PELO: variants seen among roughly 807,000 people sequenced by gnomAD.
PELO encodes pelota mRNA surveillance and ribosome rescue factor, also known as protein pelota homolog.
PELO carries 19 observed loss-of-function variants against 25.9 expected under a neutral mutation model. That is an observed-to-expected ratio of 0.73 (90% CI 0.51 to 1.08). PELO has a LOEUF of 1.08. Ranked by LOEUF, PELO falls within the 50% of genes least tolerant of loss-of-function variation. PELO has a pLI of 0.00. For missense variants in PELO, 498 were observed against 491.4 expected (o/e 1.01, Z -0.13); for synonymous variants, 196 against 192.2 (o/e 1.02, Z -0.16).
chr5:52,789,381 G>A (rs1580016642), intron 1 of PELO, among the ~76,000 whole-genome samples: 1 of 152,228 alleles, frequency 6.6e-6, no homozygotes, highest in African/African-American at 2.4e-5. Context: ...CTGCTGGCAT[G>A]GTTATTAGTA....
At chr5:52,792,282 G>A (rs1748256721) in intron 1 of PELO, among the ~76,000 whole-genome samples, 1 of 152,136 alleles carries the variant, frequency 6.6e-6, no homozygotes, top group Non-Finnish European at 1.5e-5. Flanking sequence ...TGAATATGGG[G>A]AGGAAGTCAG....
intron 1 of PELO, among the ~76,000 whole-genome samples, chr5:52,798,595 T>C (rs1249823837): frequency 6.6e-6 from 1 of 152,100 alleles, no homozygotes; most frequent in Non-Finnish European, 1.5e-5. Flanking sequence ...TACTGAGAAA[T>C]ACAGTTTTCA....
Position 52,788,213 on chromosome 5 carries a change from C to T in PELO, c.-712C>T. ...AACACAGGAAATCACTCCTCTCCCG[C>T]TCCTGGGCGCCGCTGCCACTGGGGC... On this transcript the variant is annotated 5_prime_UTR_variant, in exon 1 of 3. Coordinates refer to ENST00000274311, the MANE Select transcript of PELO (RefSeq NM_015946.5). 1 of 545,680 alleles carries T rather than the reference C, an allele frequency of 1.8e-6. No individual in the cohort carries two copies. Among genetic ancestry groups the T allele is most frequent in the South Asian group, 2.7e-5 (1 of 37,376 alleles). The allele number at this position is 545,680 out of a possible 1,614,324, so 33.8% of individuals were successfully genotyped here. A position where few individuals can be genotyped will look rare whatever the true frequency, so the allele number is the denominator to read the frequency against.
chr5:52,793,852 A>G (rs2111645541), intron 1 of PELO, among the ~76,000 whole-genome samples: 1 of 152,170 alleles, frequency 6.6e-6, no homozygotes, highest in Non-Finnish European at 1.5e-5. Flanking sequence ...ACAATAAAGT[A>G]ATCATATAAT....
intron 1 of PELO, among the ~76,000 whole-genome samples, chr5:52,797,050 G>A (rs1748356192): frequency 6.6e-6 from 1 of 152,032 alleles, no homozygotes; most frequent in South Asian, 2.1e-4. Context: ...GATTGTAGAC[G>A]TTAATTCATA....
In PELO at chr5:52,801,429, C is replaced by T; in HGVS notation, c.747C>T (p.His249=). Residue 249 remains histidine (H), a synonymous_variant, in exon 3 of 3, where the codon CAC becomes CAT. Coordinates refer to ENST00000274311, the MANE Select transcript of PELO (RefSeq NM_015946.5). ...KFLQVHASSG[H]KYSLKEALCD... ...TCTAGGTACATGCCTCCTCCGGACA[C>T]AAGTACTCCCTGAAAGAGGCCCTTT... 1 of 1,613,542 alleles carries T rather than the reference C, an allele frequency of 6.2e-7. No individual in the cohort carries two copies. The highest frequency in any genetic ancestry group is 8.5e-7 in the Non-Finnish European group (1 of 1,179,570).
Position 52,803,420 on chromosome 5 carries a change from GTTA to G in PELO, c.*1585_*1587del, listed in dbSNP as rs1390414956. On this transcript the variant is annotated 3_prime_UTR_variant, in exon 3 of 3. Coordinates refer to ENST00000274311, the MANE Select transcript of PELO (RefSeq NM_015946.5). ...AGATCCTTAAAGTTGAAACCTGATT[GTTA>G]TTATATTTTCAGTAAGGATTTGGAG... The G allele has an allele frequency of 2.0e-5, 3 of 152,026 alleles. No individual in the cohort carries two copies. The highest frequency in any genetic ancestry group is 7.2e-5 in the African/African-American group (3 of 41,400). 9.4% of individuals were successfully genotyped at this position (152,026 alleles called of 1,614,324 possible). A position where few individuals can be genotyped will look rare whatever the true frequency, so the allele number is the denominator to read the frequency against.
rs1435134263 is a variant in PELO at position 52,802,451 on chromosome 5, TTTG to T, written c.*620_*622del. ...GTTAAAAGGAAATTCTTGGTTTTGG[TTTG>T]TTGTTGTTAGCATTAGTCATATTTG... On this transcript the variant is annotated 3_prime_UTR_variant, in exon 3 of 3. Coordinates refer to ENST00000274311, the MANE Select transcript of PELO (RefSeq NM_015946.5). 4 of 152,200 alleles carry T rather than the reference TTTG, an allele frequency of 2.6e-5. No homozygotes were observed. The highest frequency in any genetic ancestry group is 5.9e-5 in the Non-Finnish European group (4 of 68,048). 9.4% of individuals were successfully genotyped at this position (152,200 alleles called of 1,614,324 possible). A position where few individuals can be genotyped will look rare whatever the true frequency, so the allele number is the denominator to read the frequency against.
chr5:52,798,808 A>C (rs1319557788), intron 1 of PELO, among the ~76,000 whole-genome samples: 1 of 152,160 alleles, frequency 6.6e-6, no homozygotes, highest in East Asian at 1.9e-4. Flanking sequence ...TTTTCATAGA[A>C]ACACTTTATG....
intron 1 of PELO, among the ~76,000 whole-genome samples, chr5:52,790,145 A>T (rs6863805): frequency 0.69 from 105,528 of 152,044 alleles, 38,067 homozygotes; most frequent in Non-Finnish European, 0.79. Flanking sequence ...TCATCACCAT[A>T]CTTATCCATG....
chr5:52,792,383 G>A (rs1748258621), intron 1 of PELO, among the ~76,000 whole-genome samples: 1 of 152,170 alleles, frequency 6.6e-6, no homozygotes, highest in African/African-American at 2.4e-5. Flanking sequence ...TACTCATTGT[G>A]ATGTTTGTAA....
chr5:52,791,367 T>G (rs1580018680), intron 1 of PELO, among the ~76,000 whole-genome samples: 1 of 152,240 alleles, frequency 6.6e-6, no homozygotes, highest in Middle Eastern at 3.4e-3. Flanking sequence ...CAGTGTTAGT[T>G]TGATTATGAA....
At chr5:52,792,581 T>C (rs17209627) in intron 1 of PELO, among the ~76,000 whole-genome samples, 19,856 of 152,152 alleles carry the variant, frequency 0.13, 1,342 homozygotes, top group Middle Eastern at 0.24. Context: ...CTTCAGTAGA[T>C]AGATGCTCCT....
At position 52,800,228 on chromosome 5, in the gene PELO, C is replaced by T. The variant is rs1450465004; in HGVS notation, c.-167C>T. ...GAGGAAAGGATAGAGGAAGTGCTGC[C>T]CTAGGCTGCATGAGTCGAAGCAAGC... On this transcript the variant is annotated 5_prime_UTR_variant, in exon 2 of 3. Transcript: ENST00000274311. The T allele has an allele frequency of 6.1e-6, 4 of 653,770 alleles. No individual in the cohort carries two copies. Among genetic ancestry groups the T allele is most frequent in the Admixed American group, 2.8e-5 (1 of 35,618 alleles). 40.5% of individuals were successfully genotyped at this position (653,770 alleles called of 1,614,324 possible).
At chr5:52,798,296 G>A (rs937810306) in intron 1 of PELO, among the ~76,000 whole-genome samples, 8 of 152,266 alleles carry the variant, frequency 5.3e-5, no homozygotes, top group African/African-American at 1.7e-4. Context: ...GGGAGACATA[G>A]AGAGCGAGAA....
rs763365664 is a variant in PELO, at chr5:52,801,669, T to C, written c.987T>C (p.Tyr329=). 1 of 1,614,130 alleles carries C rather than the reference T, an allele frequency of 6.2e-7. No individual in the cohort carries two copies. The highest frequency in any genetic ancestry group is 1.1e-5 in the South Asian group (1 of 91,086). The change falls in exon 3 of 3, where the codon TAT becomes TAC. Residue 329 remains tyrosine (Y), a synonymous_variant. Transcript: ENST00000274311. ...RHQDVATRSR[Y]VRLVDSVKEN... ...AGGATGTAGCCACACGGAGCCGGTA[T>C]GTGAGGCTGGTGGACAGTGTGAAAG... is the stretch of plus-strand genomic sequence containing the variant.
chr5:52,800,320 C>T lies in PELO; in HGVS notation c.-75C>T. ...CCCGCCCCCTTCCTGGCCTGCATTC[C>T]CATCCCCTCTCCCGGGGCGGAGGTG... On this transcript the variant is annotated 5_prime_UTR_variant, in exon 2 of 3. Transcript: ENST00000274311. 1.9e-6 allele frequency: 3 copies of T among 1,553,710 alleles called. No individual in the cohort carries two copies. The South Asian group carries it at 3.5e-5, about 18-fold the overall frequency.
rs1748430091 is a variant in PELO at position 52,800,115 on chromosome 5, G to T, written c.-280G>T. 1 of 400,798 alleles carries T rather than the reference G, an allele frequency of 2.5e-6. No individual in the cohort carries two copies. The highest frequency in any genetic ancestry group is 5.0e-5 in the East Asian group (1 of 20,000). The allele number at this position is 400,798 out of a possible 1,614,324, so 24.8% of individuals were successfully genotyped here. On this transcript the variant is annotated 5_prime_UTR_variant, in exon 2 of 3. Coordinates refer to ENST00000274311, the MANE Select transcript of PELO (RefSeq NM_015946.5). Reference sequence around the variant, plus strand: ...GCCTTCATTTCGTCAGCCCGCTGTTGCGTGCTGCCAGCGGGAACTGTGTAG... The same window carrying T: ...GCCTTCATTTCGTCAGCCCGCTGTTTCGTGCTGCCAGCGGGAACTGTGTAG...
At chr5:52,801,342 C>G in intron 2 of PELO, 67 bp from the exon 3 acceptor site, 1 of 1,387,362 alleles carries the variant, frequency 7.2e-7, no homozygotes, top group South Asian at 1.3e-5. Context: ...GGCTTTAAGC[C>G]TTTGTGAGCT....
Sources: allele counts gnomAD v4.1 joint callset (sites outside exome capture counted in the v4.1 genomes callset), GRCh38; gene constraint gnomAD v4.1.1; transcripts MANE v1.5; gene names NCBI Gene and HGNC (gene_info 2026-07-23, HGNC 2026-07-21).